NUBPL: variants seen among roughly 807,000 people sequenced by gnomAD.
NUBPL encodes iron-sulfur cluster transfer protein NUBPL.
Under a neutral mutation model 45.7 loss-of-function variants are expected in NUBPL, and 31 were observed. That is an observed-to-expected ratio of 0.68 (90% CI 0.51 to 0.92). NUBPL has a LOEUF of 0.92. NUBPL is among the 40% of genes least tolerant of loss of function. NUBPL has a pLI of 0.00. For synonymous variants in NUBPL, 144 were observed against 140.9 expected, an observed-to-expected ratio of 1.02 and a Z score of -0.15; for missense variants, 401 against 398.7, an observed-to-expected ratio of 1.01 and a Z score of -0.05.
At chr14:31,562,392 G>T (rs1318917485) in intron 2 of NUBPL, among the ~76,000 whole-genome samples, 177 bp downstream of exon 2, 1 of 152,160 alleles carries the variant, frequency 6.6e-6, no homozygotes, top group Non-Finnish European at 1.5e-5. Flanking sequence ...TTAGACAAAA[G>T]TAGGTACTAG....
chr14:31,832,049 C>T (rs1472996078), intron 8 of NUBPL, among the ~76,000 whole-genome samples: 6 of 152,136 alleles, frequency 3.9e-5, no homozygotes, highest in Non-Finnish European at 8.8e-5. Flanking sequence ...GTAAATTGCT[C>T]TTAGGAAGAC....
At chr14:31,703,982 C>T (rs1431754347) in intron 6 of NUBPL, among the ~76,000 whole-genome samples, 2 of 152,190 alleles carry the variant, frequency 1.3e-5, no homozygotes, top group Non-Finnish European at 2.9e-5. Context: ...CCTACTGGGT[C>T]GGCGAGAAGA....
intron 6 of NUBPL, among the ~76,000 whole-genome samples, chr14:31,765,658 A>G (rs910578042): frequency 1.9e-4 from 29 of 151,790 alleles, no homozygotes; most frequent in African/African-American, 7.0e-4. Flanking sequence ...GCCTTAAAAC[A>G]TCTAGCAGAG....
At chr14:31,807,960 C>G (rs529915618) in intron 7 of NUBPL, among the ~76,000 whole-genome samples, 117 of 152,270 alleles carry the variant, frequency 7.7e-4, no homozygotes, top group Middle Eastern at 3.4e-3. Flanking sequence ...TCTGAGGGCT[C>G]TGTTCTGTTC....
chr14:31,666,947 G>A (rs1426882117), intron 4 of NUBPL, among the ~76,000 whole-genome samples: 1 of 152,140 alleles, frequency 6.6e-6, no homozygotes, highest in Non-Finnish European at 1.5e-5. Flanking sequence ...GCTTCCCTTT[G>A]TAGGTAATCT....
intron 7 of NUBPL, among the ~76,000 whole-genome samples, chr14:31,802,927 ATTG>A (rs1273183744): frequency 2.0e-5 from 3 of 152,178 alleles, no homozygotes; most frequent in Non-Finnish European, 4.4e-5. Flanking sequence ...AAAGGCATTT[ATTG>A]TTTGTGAAAG....
intron 6 of NUBPL, among the ~76,000 whole-genome samples, chr14:31,685,385 T>C (rs1255289662): frequency 1.3e-5 from 2 of 152,208 alleles, no homozygotes; most frequent in Non-Finnish European, 2.9e-5. Context: ...TAGAGGTGTA[T>C]TCTACCTATA....
chr14:31,566,127 G>A (rs182388494), intron 3 of NUBPL, among the ~76,000 whole-genome samples: 96 of 151,950 alleles, frequency 6.3e-4, no homozygotes, highest in African/African-American at 2.1e-3. Flanking sequence ...TTTTCTACCC[G>A]TACTATGTAA....
chr14:31,799,512 ACAGGTTTGGTTC>A (rs1253580355), intron 7 of NUBPL, among the ~76,000 whole-genome samples: 2 of 152,216 alleles, frequency 1.3e-5, no homozygotes, highest in African/African-American at 4.8e-5. Context: ...TGGGAATATT[ACAGGTTTGGTTC>A]CAGGCCACCT....
At chr14:31,621,605 T>G (rs913722838) in intron 4 of NUBPL, among the ~76,000 whole-genome samples, 1 of 152,106 alleles carries the variant, frequency 6.6e-6, no homozygotes, top group Non-Finnish European at 1.5e-5. Flanking sequence ...TGGCTCACCC[T>G]CCATGGGCCG....
At chr14:31,699,360 G>T (rs944160988) in intron 6 of NUBPL, among the ~76,000 whole-genome samples, 1 of 152,164 alleles carries the variant, frequency 6.6e-6, no homozygotes, top group Non-Finnish European at 1.5e-5. Flanking sequence ...ACTAAAAGTA[G>T]CTACCTATTA....
intron 4 of NUBPL, among the ~76,000 whole-genome samples, chr14:31,638,569 G>T (rs568012576): frequency 4.6e-5 from 7 of 151,802 alleles, no homozygotes; most frequent in Non-Finnish European, 1.0e-4. Context: ...TTTGTGTCTT[G>T]GAGTTGCTCT....
At chr14:31,858,982 T>G in intron 10 of NUBPL, 136 bp from the exon 11 acceptor site, 1 of 725,880 alleles carries the variant, frequency 1.4e-6, no homozygotes, top group East Asian at 2.7e-5. Flanking sequence ...CAGCACTATC[T>G]TCTCAATACT....
chr14:31,857,795 T>G (rs557314150), intron 10 of NUBPL, among the ~76,000 whole-genome samples: 46 of 151,974 alleles, frequency 3.0e-4, no homozygotes, highest in Non-Finnish European at 6.0e-4. Flanking sequence ...CATATCAGTA[T>G]CAGCATTTTT....
chr14:31,710,210 T>G (rs1330845863), intron 6 of NUBPL, among the ~76,000 whole-genome samples: 1 of 152,106 alleles, frequency 6.6e-6, no homozygotes, highest in Non-Finnish European at 1.5e-5. Flanking sequence ...AGGGTGAGCC[T>G]GTTGATGCCT....
At chr14:31,821,490 T>C (rs1309431052) in intron 7 of NUBPL, among the ~76,000 whole-genome samples, 1 of 152,198 alleles carries the variant, frequency 6.6e-6, no homozygotes, top group East Asian at 1.9e-4. Flanking sequence ...CAAAGAGATA[T>C]CATCTCACCC....
chr14:31,709,208 A>T (rs1336343117), intron 6 of NUBPL, among the ~76,000 whole-genome samples: 1 of 152,178 alleles, frequency 6.6e-6, no homozygotes, highest in African/African-American at 2.4e-5. Flanking sequence ...ATCTTTTAGA[A>T]TCAATTGACC....
rs944804662 is a variant in NUBPL at position 31,826,588 on chromosome 14, G to A, written c.608-41G>A. On this transcript the variant is annotated intron_variant, in intron 7 of 10. Transcript: ENST00000281081. ...TAATGCTGGAAGTAATTTCTCCATA[G>A]AGAATTAAAAGATAATAGTATTTTG... The A allele has an allele frequency of 4.5e-6, 7 of 1,555,508 alleles. No individual in the cohort carries two copies. The African/African-American group carries it at 9.5e-5, about 21-fold the overall frequency.
intron 2 of NUBPL, among the ~76,000 whole-genome samples, chr14:31,564,644 A>T (rs1323250979): frequency 6.6e-6 from 1 of 152,136 alleles, no homozygotes; most frequent in Non-Finnish European, 1.5e-5. Flanking sequence ...ATAAAAAGAC[A>T]ATTTTTCTAT....
Sources: gnomAD v4.1 joint callset for allele counts (sites outside exome capture counted in the v4.1 genomes callset) on GRCh38, gnomAD v4.1.1 for gene constraint, MANE v1.5 for transcripts, NCBI Gene and HGNC (gene_info 2026-07-23, HGNC 2026-07-21) for gene names.